PNPLA5: variants seen among roughly 807,000 people sequenced by gnomAD.
PNPLA5 encodes patatin like domain 5, triacylglycerol lipase, also known as patatin-like phospholipase domain-containing protein 5.
In PNPLA5, 44 loss-of-function variants were observed where a neutral mutation model predicts 49.1. That is an observed-to-expected ratio of 0.90 (90% CI 0.70 to 1.15). The LOEUF (loss-of-function observed/expected upper bound fraction) is 1.15, where lower values mean the gene tolerates loss of function less well. PNPLA5 is among the 50% of genes most tolerant of loss of function. The probability of loss-of-function intolerance (pLI) is 0.00; values close to 1 mark genes in which losing one functional copy is unlikely to be tolerated. For missense variants in PNPLA5, 603 were observed against 564.0 expected, an observed-to-expected ratio of 1.07 and a Z score of -0.70; for synonymous variants, 243 against 244.4, an observed-to-expected ratio of 0.99 and a Z score of 0.06.
intron 4 of PNPLA5, 37 bp from the exon 5 acceptor site, chr22:43,887,688 C>A: frequency 6.3e-7 from 1 of 1,577,662 alleles, no homozygotes; most frequent in Non-Finnish European, 8.6e-7. Flanking sequence ...ATGGGCAAGG[C>A]CTGGACCTAC....
At chr22:43,887,845 T>C (rs1729126760) in intron 4 of PNPLA5, 194 bp from the exon 5 acceptor site, 1 of 847,956 alleles carries the variant, frequency 1.2e-6, no homozygotes. Flanking sequence ...GCCAGAGGCC[T>C]GCAGGCAGAA....
At position 43,884,211 on chromosome 22, in the gene PNPLA5, A is replaced by T; in HGVS notation, c.1082+2T>A. The T allele has an allele frequency of 1.9e-6, 3 of 1,544,992 alleles. No homozygotes were observed. The highest frequency in any genetic ancestry group is 1.7e-4 in the Middle Eastern group (1 of 5,766). ...TTCCCAGGCCCCCTGGCCGAGCCTT[A>T]CCTTCTGCTGCGGAAGTAGATGTAC... On this transcript the variant is annotated splice_donor_variant, in intron 7 of 8. Coordinates refer to ENST00000216177, the MANE Select transcript of PNPLA5 (RefSeq NM_138814.4). LOFTEE classifies it high-confidence loss of function.
intron 6 of PNPLA5, among the ~76,000 whole-genome samples, chr22:43,885,801 G>A (rs962220383): frequency 6.6e-6 from 1 of 152,174 alleles, no homozygotes; most frequent in Admixed American, 6.5e-5. Context: ...TGGGCAAGTC[G>A]CTTAACTTCT....
chr22:43,884,976 AG>A (rs2049647510), intron 6 of PNPLA5, among the ~76,000 whole-genome samples: 1 of 152,258 alleles, frequency 6.6e-6, no homozygotes, highest in African/African-American at 2.4e-5. Context: ...AGCACAGGCC[AG>A]AGACCCTGCT....
chr22:43,882,722 A>G (rs2049622656), intron 7 of PNPLA5, among the ~76,000 whole-genome samples: 2 of 152,208 alleles, frequency 1.3e-5, no homozygotes, highest in African/African-American at 2.4e-5. Context: ...TAAACAGCTC[A>G]GCGTGAGGAG....
intron 7 of PNPLA5, among the ~76,000 whole-genome samples, chr22:43,882,915 C>G (rs1018310941): frequency 6.6e-6 from 1 of 152,176 alleles, no homozygotes; most frequent in Non-Finnish European, 1.5e-5. Context: ...TTAAACCCTT[C>G]CCAGCCTTTC....
chr22:43,889,434 G>T lies in PNPLA5; in HGVS notation c.597C>A (p.Ser199Arg), dbSNP rs745461479. The T allele has an allele frequency of 1.2e-5, 20 of 1,614,004 alleles. No homozygotes were observed. Among genetic ancestry groups the T allele is most frequent in the Non-Finnish European group, 1.6e-5 (19 of 1,180,040 alleles). ...TCAGCTCATGCAGGTTGGGGGAGGTGCTCTGGGGGCAGATGTCCACTGTCC... is the reference window on the plus strand; with the variant it reads ...TCAGCTCATGCAGGTTGGGGGAGGTTCTCTGGGGGCAGATGTCCACTGTCC... ...FHGTVDICPQ[S>R]TSPNLHELNV... Residue 199 changes from serine to arginine, a missense_variant, in exon 4 of 9, where the codon AGC becomes AGA. Physicochemically the swap from Ser to Arg is moderately radical, Grantham distance 110. Transcript: ENST00000216177.
At chr22:43,883,101 TGTTCCATCTGCC>T (rs1242306581) in intron 7 of PNPLA5, among the ~76,000 whole-genome samples, 1 of 152,230 alleles carries the variant, frequency 6.6e-6, no homozygotes, top group African/African-American at 2.4e-5. Context: ...TTGCACATGC[TGTTCCATCTGCC>T]GAGAACATTC....
At chr22:43,891,353 A>G in intron 1 of PNPLA5, 59 bp from the exon 2 acceptor site, 1 of 1,495,602 alleles carries the variant, frequency 6.7e-7, no homozygotes, top group Non-Finnish European at 8.8e-7. Context: ...CAGTCCCTCC[A>G]CACCCCCACT....
rs923839994 is a variant in PNPLA5 at position 43,880,315 on chromosome 22, G to A, written c.*480C>T. 3 of 398,246 alleles carry A rather than the reference G, an allele frequency of 7.5e-6. No homozygotes were observed. The highest frequency in any genetic ancestry group is 4.4e-5 in the Admixed American group (1 of 22,740). The allele number at this position is 398,246 out of a possible 1,614,324, so 24.7% of individuals were successfully genotyped here. A position where few individuals can be genotyped will look rare whatever the true frequency, so the allele number is the denominator to read the frequency against. ...ATTCAGAAGTCAAGGTTTCCTGAGT[G>A]GGGTAGATGCCGGGGGTCACCCCCA... On this transcript the variant is annotated 3_prime_UTR_variant, in exon 9 of 9. Transcript: ENST00000216177.
chr22:43,881,171 A>G (rs2049606314), intron 8 of PNPLA5, among the ~76,000 whole-genome samples: 1 of 152,142 alleles, frequency 6.6e-6, no homozygotes, highest in Non-Finnish European at 1.5e-5. Context: ...CTGGTCAGAG[A>G]AGAGGGACCA....
At chr22:43,883,952 T>C (rs886788200) in intron 7 of PNPLA5, among the ~76,000 whole-genome samples, 15 of 152,254 alleles carry the variant, frequency 9.9e-5, no homozygotes, top group Middle Eastern at 3.4e-3. Context: ...ACGGAGACAG[T>C]GTAGGGCCCA....
intron 5 of PNPLA5, chr22:43,886,712 A>T: frequency 1.5e-6 from 1 of 647,916 alleles, no homozygotes; most frequent in African/African-American, 2.0e-5. Flanking sequence ...GACCCCAAAG[A>T]CACAATCCAG....
At chr22:43,886,662 C>G (rs993204759) in intron 5 of PNPLA5, 174 bp from the exon 6 acceptor site, 65 of 955,046 alleles carry the variant, frequency 6.8e-5, no homozygotes, top group Non-Finnish European at 7.7e-5. Flanking sequence ...CCTGCTCTGC[C>G]CTGCTCCCTG....
At chr22:43,885,563 G>A (rs989574505) in intron 6 of PNPLA5, among the ~76,000 whole-genome samples, 6 of 151,980 alleles carry the variant, frequency 3.9e-5, no homozygotes, top group East Asian at 1.9e-4. Context: ...ACCTTTGCAC[G>A]TGCCATGCCC....
intron 3 of PNPLA5, 126 bp from the exon 4 acceptor site, chr22:43,889,664 C>T: frequency 2.0e-6 from 3 of 1,507,380 alleles, no homozygotes; most frequent in Non-Finnish European, 1.8e-6. Context: ...AGGCTGAACG[C>T]CCCCCAGGAG....
intron 2 of PNPLA5, 55 bp downstream of exon 2, chr22:43,891,007 T>C (rs906578139): frequency 7.7e-6 from 12 of 1,566,926 alleles, no homozygotes; most frequent in South Asian, 7.0e-5. Context: ...GATGTCACTC[T>C]GGACTAGATG....
At position 43,889,427 on chromosome 22, in the gene PNPLA5, G is replaced by T; in HGVS notation, c.604C>A (p.Pro202Thr). 1 of 1,614,160 alleles carries T rather than the reference G, an allele frequency of 6.2e-7. No individual in the cohort carries two copies. Among genetic ancestry groups the T allele is most frequent in the Non-Finnish European group, 8.5e-7 (1 of 1,180,030 alleles). Reference sequence around the variant, plus strand: ...AAGACGTTCAGCTCATGCAGGTTGGGGGAGGTGCTCTGGGGGCAGATGTCC... The same window carrying T: ...AAGACGTTCAGCTCATGCAGGTTGGTGGAGGTGCTCTGGGGGCAGATGTCC... ...TVDICPQSTS[P>T]NLHELNVFNF... Residue 202 changes from proline (P) to threonine (T), a missense_variant, in exon 4 of 9, where the codon CCC (proline) becomes ACC (threonine). Physicochemically the swap from Pro to Thr is conservative, Grantham distance 38. Coordinates refer to ENST00000216177, the MANE Select transcript of PNPLA5 (RefSeq NM_138814.4).
intron 7 of PNPLA5, among the ~76,000 whole-genome samples, chr22:43,882,767 GC>G (rs1442395002): frequency 6.6e-6 from 1 of 152,208 alleles, no homozygotes; most frequent in Non-Finnish European, 1.5e-5. Context: ...CTGGGTTTGG[GC>G]CACTGGCAAT....
Sources: allele counts gnomAD v4.1 joint callset (sites outside exome capture counted in the v4.1 genomes callset), GRCh38; gene constraint gnomAD v4.1.1; transcripts MANE v1.5; gene names NCBI Gene and HGNC (gene_info 2026-07-23, HGNC 2026-07-21).